The following SCN2A variants were observed in gnomAD, a reference collection of about 807,000 sequenced individuals.
SCN2A encodes the protein sodium voltage-gated channel alpha subunit 2.
A neutral mutation model predicts 188.7 loss-of-function variants in SCN2A; 20 were observed. The ratio of observed to expected loss-of-function variants is 0.11; its 90% confidence interval spans 0.07 to 0.15. SCN2A has a LOEUF of 0.15. SCN2A is among the 10% of genes least tolerant of loss of function. The pLI is 1.00. For synonymous variants in SCN2A, 804 were observed against 833.1 expected (o/e 0.97, Z 0.60); for missense variants, 1,278 against 2,445.0 (o/e 0.52, Z 10.07).
At position 165,381,069 on chromosome 2, in the gene SCN2A, C is replaced by T. The variant is rs746961053; in HGVS notation, c.4447-24C>T. 2.0e-6 allele frequency: 3 copies of T among 1,470,920 alleles called. No individual in the cohort carries two copies. In the Admixed American group the frequency reaches 5.7e-5, roughly 28 times the overall value. 91.1% of individuals were successfully genotyped at this position (1,470,920 alleles called of 1,614,324 possible). A position where few individuals can be genotyped will look rare whatever the true frequency, so the allele number is the denominator to read the frequency against. ...TAGCCAGCAAAGAACACAATTTTAACAAGTGTTGCTTTCATTTCTTTACTT... is the reference window on the plus strand; with the variant it reads ...TAGCCAGCAAAGAACACAATTTTAATAAGTGTTGCTTTCATTTCTTTACTT... On this transcript the variant is annotated intron_variant, in intron 24 of 26. Coordinates refer to ENST00000375437, the MANE Select transcript of SCN2A (RefSeq NM_001040142.2).
At chr2:165,341,919 GA>G (rs1338220182) in intron 14 of SCN2A, among the ~76,000 whole-genome samples, 1 of 152,148 alleles carries the variant, frequency 6.6e-6, no homozygotes, top group Non-Finnish European at 1.5e-5. Context: ...AGGGCCAAGG[GA>G]GGGGACCAAT....
chr2:165,355,545 A>G (rs1700134720), intron 17 of SCN2A, among the ~76,000 whole-genome samples: 1 of 152,204 alleles, frequency 6.6e-6, no homozygotes, highest in Admixed American at 6.5e-5. Context: ...GTTTGCACTA[A>G]CTAACAAAAA....
At chr2:165,337,353 A>C (rs979088903) in intron 14 of SCN2A, among the ~76,000 whole-genome samples, 1 of 152,086 alleles carries the variant, frequency 6.6e-6, no homozygotes, top group Non-Finnish European at 1.5e-5. Flanking sequence ...TATTTATATA[A>C]TGGGAGAATC....
At chr2:165,317,123 T>C (rs1697796683) in intron 11 of SCN2A, among the ~76,000 whole-genome samples, 2 of 152,170 alleles carry the variant, frequency 1.3e-5, no homozygotes, top group African/African-American at 4.8e-5. Context: ...TAAATTTTTT[T>C]AGGTCAGCCT....
chr2:165,281,902 G>A (rs1695598906), intron 1 of SCN2A, among the ~76,000 whole-genome samples: 2 of 152,228 alleles, frequency 1.3e-5, no homozygotes, highest in African/African-American at 4.8e-5. Flanking sequence ...AAAGTCATGG[G>A]ACTGTGGAGC....
intron 18 of SCN2A, among the ~76,000 whole-genome samples, chr2:165,366,806 C>T (rs1700754214): frequency 6.7e-6 from 1 of 149,810 alleles, no homozygotes; most frequent in Non-Finnish European, 1.5e-5. Flanking sequence ...AATTTATTTA[C>T]TTATAATAAA....
At chr2:165,388,186 T>C (rs1431969723) in intron 26 of SCN2A, among the ~76,000 whole-genome samples, 2 of 152,168 alleles carry the variant, frequency 1.3e-5, no homozygotes, top group African/African-American at 4.8e-5. Flanking sequence ...TGTTTTCTTC[T>C]GTACATCACG....
chr2:165,306,982 T>A (rs1697173444), intron 3 of SCN2A, among the ~76,000 whole-genome samples: 1 of 152,206 alleles, frequency 6.6e-6, no homozygotes, highest in Non-Finnish European at 1.5e-5. Context: ...TGATACTGAA[T>A]ATTTTCTTAA....
intron 17 of SCN2A, among the ~76,000 whole-genome samples, chr2:165,362,634 T>C (rs1282265196): frequency 6.6e-6 from 1 of 152,068 alleles, no homozygotes; most frequent in Non-Finnish European, 1.5e-5. Flanking sequence ...ACTATATTGG[T>C]GTATTATCCA....
At chr2:165,358,037 T>TA (rs948727053) in intron 17 of SCN2A, among the ~76,000 whole-genome samples, 14 of 152,022 alleles carry the variant, frequency 9.2e-5, no homozygotes, top group Middle Eastern at 3.4e-3. Flanking sequence ...AACCCTAACT[T>TA]AAAAAAAAGT....
intron 25 of SCN2A, among the ~76,000 whole-genome samples, chr2:165,382,694 A>G (rs1287585074): frequency 6.6e-6 from 1 of 152,118 alleles, no homozygotes; most frequent in East Asian, 1.9e-4. Context: ...TATTTTGTGA[A>G]ACTGTTGGTT....
intron 1 of SCN2A, among the ~76,000 whole-genome samples, chr2:165,257,787 C>G (rs989748401): frequency 3.9e-5 from 6 of 152,170 alleles, no homozygotes; most frequent in African/African-American, 1.4e-4. Flanking sequence ...ATCCACCCCC[C>G]TCGGCCTTCC....
At chr2:165,367,809 G>A (rs567486896) in intron 19 of SCN2A, among the ~76,000 whole-genome samples, 7 of 152,314 alleles carry the variant, frequency 4.6e-5, no homozygotes, top group Admixed American at 2.0e-4. Flanking sequence ...GAGGGGGAGC[G>A]CAGGTGACTG....
intron 1 of SCN2A, among the ~76,000 whole-genome samples, chr2:165,275,685 A>G (rs1184301135): frequency 6.6e-6 from 1 of 152,154 alleles, no homozygotes; most frequent in Admixed American, 6.5e-5. Flanking sequence ...AAGACAGAGA[A>G]AAGAGCATTA....
At position 165,389,315 on chromosome 2, in the gene SCN2A, G is replaced by A. The variant is rs778913663; in HGVS notation, c.5509G>A (p.Val1837Ile). 6.2e-7 allele frequency: 1 copy of A among 1,614,062 alleles called. No individual in the cohort carries two copies. The highest frequency in any genetic ancestry group is 1.1e-5 in the South Asian group (1 of 91,078). Residue 1837 changes from valine to isoleucine, a missense_variant, in exon 27 of 27, where the codon GTC (valine) becomes ATC (isoleucine). By Grantham distance (29) the Val-to-Ile change is conservative (BLOSUM62 3). Coordinates refer to ENST00000375437, the MANE Select transcript of SCN2A (RefSeq NM_001040142.2). This position sits in a 1 kb window ranked among gnomAD's most constrained non-coding sequence, Gnocchi z 4.2. ...TCTTCTCATAGCAAAACCCAACAAA[G>A]TCCAGCTCATTGCCATGGATCTGCC... is the stretch of plus-strand genomic sequence containing the variant. ...PPLLIAKPNK[V>I]QLIAMDLPMV...
In SCN2A at chr2:165,343,439, TA is replaced by T. The variant is rs550172842; in HGVS notation, c.2562+977del. 3.6e-3 allele frequency among the ~76,000 whole-genome samples: 548 copies of T among 152,252 alleles called. 4 individuals are homozygous for T. The highest frequency in any genetic ancestry group is 0.013 in the African/African-American group (531 of 41,564). On this transcript the variant is annotated intron_variant, in intron 15 of 26. Transcript: ENST00000375437. ...AAAACAAGTAATATGGGCAAGAACT[TA>T]AAAAAATATATTTAGTAAACCTTCA...
At chr2:165,310,275 A>G (rs777066116) in intron 6 of SCN2A, 48 bp from the exon 7 acceptor site, 100 of 1,598,714 alleles carry the variant, frequency 6.3e-5, no homozygotes, top group Non-Finnish European at 8.4e-5. Context: ...CCGGTAAAAT[A>G]GCTGTTGAGT....
At chr2:165,322,795 C>G (rs1025626748) in intron 11 of SCN2A, among the ~76,000 whole-genome samples, 1 of 152,110 alleles carries the variant, frequency 6.6e-6, no homozygotes, top group Non-Finnish European at 1.5e-5. Context: ...GGGTTGTTAA[C>G]TGAAATTAAC....
chr2:165,306,550 G>C (rs992965736), intron 3 of SCN2A, among the ~76,000 whole-genome samples: 3 of 129,426 alleles, frequency 2.3e-5, no homozygotes, highest in African/African-American at 5.9e-5. Context: ...GTGTGTGTGT[G>C]TGTTCTCTAG....
Sources: allele counts gnomAD v4.1 joint callset (sites outside exome capture counted in the v4.1 genomes callset), GRCh38; gene constraint gnomAD v4.1.1; non-coding constraint Gnocchi (gnomAD v3.1); transcripts MANE v1.5; gene names NCBI Gene and HGNC (gene_info 2026-07-23, HGNC 2026-07-21).